Variants in UNC5B observed in about 807,000 individuals in gnomAD.
The protein encoded by UNC5B is netrin receptor UNC5B.
UNC5B carries 56 observed loss-of-function variants against 103.7 expected under a neutral mutation model. The observed-to-expected ratio is 0.54, with a 90% CI of 0.44 to 0.67. The LOEUF (loss-of-function observed/expected upper bound fraction) is 0.67. UNC5B is among the 30% of genes least tolerant of loss of function. The pLI is 0.00. For missense variants in UNC5B, 1,194 were observed against 1,284.5 expected (o/e 0.93, Z 1.08); for synonymous variants, 577 against 542.0 (o/e 1.06, Z -0.90).
intron 1 of UNC5B, among the ~76,000 whole-genome samples, chr10:71,242,011 G>A (rs896609067): frequency 2.6e-5 from 4 of 152,094 alleles, no homozygotes; most frequent in South Asian, 2.1e-4. Context: ...GCCCACACAC[G>A]ACCTGGTGCT....
Position 71,278,094 on chromosome 10 carries a change from C to T in UNC5B, c.80-1727C>T, listed in dbSNP as rs114975740. Among the ~76,000 whole-genome samples, 1,485 of 152,330 alleles carry T rather than the reference C, an allele frequency of 9.7e-3. 28 individuals carry two copies. Among genetic ancestry groups the T allele is most frequent in the Middle Eastern group, 0.027 (8 of 294 alleles). On this transcript the variant is annotated intron_variant, in intron 1 of 16. Coordinates refer to ENST00000335350, the MANE Select transcript of UNC5B (RefSeq NM_170744.5). ...TATGACCTTGGACAAGTTGCTTAAC[C>T]TCCCTGAGCCTCCCATTTACCCATC... is the stretch of plus-strand genomic sequence containing the variant.
At chr10:71,275,842 T>C (rs1180744505) in intron 1 of UNC5B, among the ~76,000 whole-genome samples, 4 of 151,856 alleles carry the variant, frequency 2.6e-5, no homozygotes, top group Non-Finnish European at 5.9e-5. Flanking sequence ...CACCAACAAG[T>C]AGCTCCAGGT....
chr10:71,219,767 A>G (rs1038935167), intron 1 of UNC5B, among the ~76,000 whole-genome samples: 2 of 152,212 alleles, frequency 1.3e-5, no homozygotes, highest in African/African-American at 4.8e-5. Context: ...AGAAATGTTA[A>G]GTGGCATTCA....
At chr10:71,287,864 G>A (rs572196966) in intron 6 of UNC5B, 99 bp downstream of exon 6, 17 of 1,480,898 alleles carry the variant, frequency 1.1e-5, no homozygotes, top group Admixed American at 2.6e-5. Context: ...CCAGCATGGG[G>A]AGCAGAAGGT....
intron 1 of UNC5B, among the ~76,000 whole-genome samples, chr10:71,224,395 AC>A (rs1843519496): frequency 6.6e-6 from 1 of 151,962 alleles, no homozygotes; most frequent in Non-Finnish European, 1.5e-5. Context: ...ACACACACAC[AC>A]ACACACACAC....
At chr10:71,287,395 G>A (rs540076298) in intron 5 of UNC5B, among the ~76,000 whole-genome samples, 2 of 152,312 alleles carry the variant, frequency 1.3e-5, no homozygotes, top group Admixed American at 1.3e-4. Flanking sequence ...GGCATAGACA[G>A]TGACTTCCCG....
At chr10:71,219,869 A>T (rs7069846) in intron 1 of UNC5B, among the ~76,000 whole-genome samples, 1 of 152,050 alleles carries the variant, frequency 6.6e-6, no homozygotes, top group Admixed American at 6.5e-5. Flanking sequence ...TTCCTGGGGC[A>T]GGTGATGAGT....
intron 10 of UNC5B, 22 bp downstream of exon 10, chr10:71,291,843 G>A: frequency 6.4e-7 from 1 of 1,567,980 alleles, no homozygotes; most frequent in South Asian, 1.2e-5. Flanking sequence ...CCCTGCTTGT[G>A]CGTCAGCCTG....
At chr10:71,271,674 C>T (rs1844648742) in intron 1 of UNC5B, among the ~76,000 whole-genome samples, 1 of 152,220 alleles carries the variant, frequency 6.6e-6, no homozygotes, top group African/African-American at 2.4e-5. Context: ...ACTGCACCTG[C>T]CCTGGGGCCT....
intron 1 of UNC5B, among the ~76,000 whole-genome samples, chr10:71,266,689 G>A (rs971733758): frequency 1.3e-5 from 2 of 152,138 alleles, no homozygotes; most frequent in Admixed American, 1.3e-4. Flanking sequence ...GGGGCTCGCC[G>A]GGACCCTGGC....
At chr10:71,259,733 C>G (rs1844370996) in intron 1 of UNC5B, among the ~76,000 whole-genome samples, 2 of 152,206 alleles carry the variant, frequency 1.3e-5, no homozygotes, top group South Asian at 4.1e-4. Flanking sequence ...AATATAGACC[C>G]GTGACTTGCC....
At chr10:71,221,301 C>A (rs1201903190) in intron 1 of UNC5B, among the ~76,000 whole-genome samples, 1 of 152,216 alleles carries the variant, frequency 6.6e-6, no homozygotes, top group Non-Finnish European at 1.5e-5. Context: ...GCAGCCTGGG[C>A]ATGTGCGAGA....
intron 1 of UNC5B, among the ~76,000 whole-genome samples, chr10:71,270,151 A>G (rs1194740350): frequency 6.6e-6 from 1 of 152,088 alleles, no homozygotes; most frequent in Non-Finnish European, 1.5e-5. Flanking sequence ...GGAGTTCGAG[A>G]CCAGCCTGGG....
At chr10:71,260,475 T>G (rs1844391856) in intron 1 of UNC5B, among the ~76,000 whole-genome samples, 1 of 152,184 alleles carries the variant, frequency 6.6e-6, no homozygotes, top group Non-Finnish European at 1.5e-5. Context: ...CCAGGCCCAG[T>G]GCTGCTGGGT....
chr10:71,292,070 T>C (rs1441337751), intron 10 of UNC5B, among the ~76,000 whole-genome samples: 1 of 152,220 alleles, frequency 6.6e-6, no homozygotes. Context: ...TCAGTGTCTC[T>C]GTTGTGTGAG....
intron 1 of UNC5B, among the ~76,000 whole-genome samples, chr10:71,230,624 C>G (rs1843663979): frequency 6.6e-6 from 1 of 152,382 alleles, no homozygotes; most frequent in Admixed American, 6.5e-5. Flanking sequence ...CCTGGCACAG[C>G]CTCCCTTTGG....
At chr10:71,279,528 C>T (rs185727321) in intron 1 of UNC5B, among the ~76,000 whole-genome samples, 13 of 152,348 alleles carry the variant, frequency 8.5e-5, no homozygotes, top group African/African-American at 2.4e-4. Context: ...CCTCCCCTCC[C>T]GGGACCTCCT....
intron 2 of UNC5B, among the ~76,000 whole-genome samples, chr10:71,284,193 G>A (rs1159511680): frequency 6.6e-6 from 1 of 152,176 alleles, no homozygotes; most frequent in East Asian, 1.9e-4. Flanking sequence ...TCCTCGGGAA[G>A]TGAGGCTGAT....
At chr10:71,226,549 G>T (rs562508484) in intron 1 of UNC5B, among the ~76,000 whole-genome samples, 1 of 152,214 alleles carries the variant, frequency 6.6e-6, no homozygotes, top group Non-Finnish European at 1.5e-5. Context: ...AGTGAAGTGG[G>T]AATCATGAAG....
Sources: gnomAD v4.1 joint callset for allele counts (sites outside exome capture counted in the v4.1 genomes callset) on GRCh38, gnomAD v4.1.1 for gene constraint, MANE v1.5 for transcripts, NCBI Gene and HGNC (gene_info 2026-07-23, HGNC 2026-07-21) for gene names.